The following TRPM8 variants were observed in gnomAD, a reference collection of about 807,000 sequenced individuals.
The protein encoded by TRPM8 is transient receptor potential cation channel subfamily M member 8.
In TRPM8, 110 loss-of-function variants were observed where a neutral mutation model predicts 133.7. The ratio of observed to expected loss-of-function variants is 0.82; its 90% CI spans 0.70 to 0.96. TRPM8 has a LOEUF of 0.96. Ranked by LOEUF, TRPM8 falls within the 40% of genes least tolerant of loss-of-function variation. The pLI is 0.00. For missense variants in TRPM8, 1,291 were observed against 1,379.5 expected, an observed-to-expected ratio of 0.94 and a Z score of 1.02; for synonymous variants, 535 against 532.3, an observed-to-expected ratio of 1.01 and a Z score of -0.07.
chr2:233,988,306 A>G (rs189662348), intron 21 of TRPM8, among the ~76,000 whole-genome samples: 1 of 151,968 alleles, frequency 6.6e-6, no homozygotes, highest in East Asian at 2.0e-4. Context: ...AGAGCCAGGA[A>G]TCATCTTTTG....
In TRPM8 at chr2:233,947,085, CAGATTCCAACTATGGTGGCA is replaced by C. The variant is rs1277833859; in HGVS notation, c.877_896del (p.Ser293ProfsTer24). 1 of 1,613,850 alleles carries C rather than the reference CAGATTCCAACTATGGTGGCA, an allele frequency of 6.2e-7. No individual in the cohort carries two copies. The highest frequency in any genetic ancestry group is 1.3e-5 in the African/African-American group (1 of 75,056). ...AATATGCTTTACTTTTTATATTTTA[CAGATTCCAACTATGGTGGCA>C]AGATCCCCATTGTGTGTTTTGCCCA... is the stretch of plus-strand genomic sequence containing the variant. On this transcript the variant is annotated splice_acceptor_variant and coding_sequence_variant, in exon 8 of 26. Transcript: ENST00000324695. LOFTEE classifies it high-confidence loss of function.
In TRPM8 at chr2:233,989,959, C is replaced by T. The variant is rs1692234203; in HGVS notation, c.2939+4094C>T. Among the ~76,000 whole-genome samples the T allele has an allele frequency of 6.6e-6, 1 of 152,152 alleles. No homozygotes were observed. Among genetic ancestry groups the T allele is most frequent in the South Asian group, 2.1e-4 (1 of 4,832 alleles). ...AAAAGGACTCGTCAAACATGTCCTG[C>T]TGTAGAATAATTTCTAAAAATGTTT... On this transcript the variant is annotated intron_variant, in intron 21 of 25. Coordinates refer to ENST00000324695, the MANE Select transcript of TRPM8 (RefSeq NM_024080.5). This position sits in a 1 kb window ranked among gnomAD's most constrained non-coding sequence, Gnocchi z 4.2.
At chr2:233,937,253 GA>G in intron 3 of TRPM8, 99 bp from the exon 4 acceptor site, 1 of 1,411,476 alleles carries the variant, frequency 7.1e-7, no homozygotes. Context: ...AATAAGACTT[GA>G]AGGTATCCTT....
At chr2:233,919,335 A>G (rs190390685) in intron 1 of TRPM8, among the ~76,000 whole-genome samples, 18 of 152,316 alleles carry the variant, frequency 1.2e-4, no homozygotes, top group African/African-American at 4.1e-4. Flanking sequence ...AGCAAACAAC[A>G]TGAGGTTTGT....
At chr2:233,918,934 G>T (rs1691355051) in intron 1 of TRPM8, among the ~76,000 whole-genome samples, 2 of 152,176 alleles carry the variant, frequency 1.3e-5, no homozygotes, top group Admixed American at 6.5e-5. Context: ...GAGTGGAGAT[G>T]GCTGGGGTTT....
rs770879940 is a variant in TRPM8 at position 233,970,365 on chromosome 2, A to AC, written c.2301dup (p.Glu768ArgfsTer14). The AC allele has an allele frequency of 3.7e-5, 59 of 1,612,326 alleles. No homozygotes were observed. The highest frequency in any genetic ancestry group is 1.5e-4 in the African/African-American group (11 of 74,242). On this transcript the variant is annotated frameshift_variant, in exon 17 of 26. Coordinates refer to ENST00000324695, the MANE Select transcript of TRPM8 (RefSeq NM_024080.5). LOFTEE classifies it high-confidence loss of function. Reference sequence around the variant, plus strand: ...CTCATGGATTTCCATTCGGTGCCACACCCCCCCGAGCTGGTCCTGTACTCG... The same window carrying AC: ...CTCATGGATTTCCATTCGGTGCCACACCCCCCCCGAGCTGGTCCTGTACTCG...
intron 11 of TRPM8, 80 bp downstream of exon 11, chr2:233,955,330 A>G: frequency 9.9e-7 from 1 of 1,008,516 alleles, no homozygotes; most frequent in Non-Finnish European, 1.5e-6. Context: ...ATTTCCAACA[A>G]GGTCTTCAAT....
chr2:233,953,843 C>A, intron 9 of TRPM8, 74 bp from the exon 10 acceptor site: 3 of 1,150,890 alleles, frequency 2.6e-6, no homozygotes, highest in Non-Finnish European at 3.8e-6. Context: ...AAAGATCTCT[C>A]ACAAAAAGAA....
At chr2:233,927,370 A>G (rs896062295) in intron 2 of TRPM8, among the ~76,000 whole-genome samples, 13 of 152,168 alleles carry the variant, frequency 8.5e-5, no homozygotes, top group African/African-American at 2.9e-4. Flanking sequence ...ACAAATACGC[A>G]AAAACCTGCT....
chr2:233,963,639 G>A (rs1306057654), intron 13 of TRPM8, among the ~76,000 whole-genome samples: 1 of 152,148 alleles, frequency 6.6e-6, no homozygotes, highest in African/African-American at 2.4e-5. Flanking sequence ...TTTCCAAGTG[G>A]AAAAGGTATT....
At chr2:233,926,940 C>T (rs576570936) in intron 2 of TRPM8, among the ~76,000 whole-genome samples, 7 of 152,234 alleles carry the variant, frequency 4.6e-5, no homozygotes, top group Middle Eastern at 3.4e-3. Context: ...AGGCCAGCTT[C>T]TACGCTGCCT....
chr2:234,005,927 T>C (rs1174518075), intron 22 of TRPM8, among the ~76,000 whole-genome samples: 2 of 136,008 alleles, frequency 1.5e-5, no homozygotes, highest in South Asian at 2.5e-4. Context: ...AAACGTCATC[T>C]ACACACACAC....
rs2125114711 is a variant in TRPM8 at position 233,945,894 on chromosome 2, A to G, written c.738A>G (p.Thr246=). 1.2e-6 allele frequency: 2 copies of G among 1,614,172 alleles called. No individual in the cohort carries two copies. The highest frequency in any genetic ancestry group is 2.2e-5 in the South Asian group (2 of 91,080). Residue 246 remains threonine (T), a synonymous_variant, in exon 7 of 26, where the codon ACA becomes ACG. Coordinates refer to ENST00000324695, the MANE Select transcript of TRPM8 (RefSeq NM_024080.5). ...FLAQYLMDDF[T]RDPLYILDNN... ...CCCAGTACCTTATGGATGACTTCAC[A>G]AGAGATCCACTGTATATCCTGGACA... is the stretch of plus-strand genomic sequence containing the variant.
At chr2:233,969,030 G>A (rs1438282847) in intron 15 of TRPM8, among the ~76,000 whole-genome samples, 1 of 152,092 alleles carries the variant, frequency 6.6e-6, no homozygotes, top group African/African-American at 2.4e-5. Context: ...CTGTGAATTT[G>A]TGATCATTGA....
In TRPM8 at chr2:233,942,071, C is replaced by CTGTTTTTT. The variant is rs1553656129; in HGVS notation, c.527-504_527-503insGTTTTTTT. On this transcript the variant is annotated intron_variant, in intron 5 of 25. Coordinates refer to ENST00000324695, the MANE Select transcript of TRPM8 (RefSeq NM_024080.5). The stretch of plus-strand genomic sequence containing the variant: ...GCAGATCTGGAATAGGGTCAAGAAT[C>CTGTTTTTT]TTTTTTTTTTTTTTTTTTTTCTTTT... Among the ~76,000 whole-genome samples, 45 of 111,670 alleles carry CTGTTTTTT rather than the reference C, an allele frequency of 4.0e-4. 4 individuals are homozygous for CTGTTTTTT. The highest frequency in any genetic ancestry group is 1.5e-3 in the African/African-American group (39 of 25,638). 73.3% of individuals were successfully genotyped at this position (111,670 alleles called of 152,430 possible).
chr2:233,926,174 A>G (rs1489233553), intron 1 of TRPM8, among the ~76,000 whole-genome samples: 1 of 152,212 alleles, frequency 6.6e-6, no homozygotes, highest in Non-Finnish European at 1.5e-5. Flanking sequence ...TAGCTACTGC[A>G]AGCCCCTCAG....
intron 3 of TRPM8, among the ~76,000 whole-genome samples, chr2:233,931,219 G>C (rs569221437): frequency 2.6e-5 from 4 of 152,324 alleles, no homozygotes; most frequent in East Asian, 1.9e-4. Flanking sequence ...ACAAAAGCAG[G>C]CTTCACCAGC....
chr2:234,005,401 T>G (rs1284395887), intron 22 of TRPM8, among the ~76,000 whole-genome samples: 3 of 152,212 alleles, frequency 2.0e-5, no homozygotes, highest in Non-Finnish European at 2.9e-5. Flanking sequence ...TGGTCATTTG[T>G]CATCCTTGCT....
At chr2:233,970,614 T>A in intron 17 of TRPM8, 188 bp downstream of exon 17, 1 of 607,270 alleles carries the variant, frequency 1.6e-6, no homozygotes, top group Non-Finnish European at 2.9e-6. Flanking sequence ...CAGTAAGGTC[T>A]CCTAGTACCA....
Sources: allele counts gnomAD v4.1 joint callset (sites outside exome capture counted in the v4.1 genomes callset), GRCh38; gene constraint gnomAD v4.1.1; non-coding constraint Gnocchi (gnomAD v3.1); transcripts MANE v1.5; gene names NCBI Gene and HGNC (gene_info 2026-07-23, HGNC 2026-07-21).